The following GALNT13 variants were observed in gnomAD, a reference collection of about 807,000 sequenced individuals.
GALNT13 encodes UDP-GalNAc:polypeptide N-acetylgalactosaminyltransferase 13.
GALNT13 carries 28 observed loss-of-function variants against 64.2 expected under a neutral mutation model. That is an observed-to-expected ratio of 0.44 (90% CI 0.32 to 0.60). GALNT13 has a LOEUF of 0.60. Ranked by LOEUF, GALNT13 falls within the 20% of genes least tolerant of loss-of-function variation. The pLI, the probability that GALNT13 is intolerant of heterozygous loss-of-function variation, is 0.05. For synonymous variants in GALNT13, 214 were observed against 224.6 expected, an observed-to-expected ratio of 0.95 and a Z score of 0.42; for missense variants, 577 against 669.8, an observed-to-expected ratio of 0.86 and a Z score of 1.53.
At chr2:153,830,482 G>C in the GALNT13 span, among the ~76,000 whole-genome samples, 1 of 152,064 alleles carries the variant, frequency 6.6e-6, no homozygotes, top group East Asian at 1.9e-4. Context: ...CTGAGCATGG[G>C]AATGCCTTTA....
At chr2:153,264,802 G>C in the GALNT13 span, among the ~76,000 whole-genome samples, 30 of 152,162 alleles carry the variant, frequency 2.0e-4, no homozygotes, top group Non-Finnish European at 7.3e-5. Flanking sequence ...CCTGTTGTGG[G>C]GAGGCAGAGC....
chr2:154,026,401 G>T (rs1212753671), intron 3 of GALNT13, among the ~76,000 whole-genome samples: 1 of 152,156 alleles, frequency 6.6e-6, no homozygotes, highest in East Asian at 1.9e-4. Context: ...GGTGTGTTTG[G>T]CTTGTGTTCC....
chr2:153,098,393 A>G, the GALNT13 span, among the ~76,000 whole-genome samples: 17 of 152,324 alleles, frequency 1.1e-4, no homozygotes, highest in African/African-American at 4.1e-4. Flanking sequence ...GTTTGCTATC[A>G]CAACCTCTCT....
At chr2:153,905,450 T>C (rs1482156374) in intron 2 of GALNT13, among the ~76,000 whole-genome samples, 1 of 151,950 alleles carries the variant, frequency 6.6e-6, no homozygotes, top group African/African-American at 2.4e-5. Flanking sequence ...CAACAACTAA[T>C]AATAAAATAG....
At chr2:154,162,666 A>C (rs185667081) in intron 4 of GALNT13, among the ~76,000 whole-genome samples, 15 of 152,368 alleles carry the variant, frequency 9.8e-5, no homozygotes, top group Admixed American at 9.2e-4. Flanking sequence ...TATAAAGAAC[A>C]GTGTTAGATA....
chr2:154,242,331 C>A, intron 5 of GALNT13, 135 bp downstream of exon 5: 2 of 707,232 alleles, frequency 2.8e-6, no homozygotes, highest in South Asian at 4.0e-5. Flanking sequence ...TTTACTAGCC[C>A]TGCCACAGCC....
chr2:153,776,307 C>G, the GALNT13 span, among the ~76,000 whole-genome samples: 92 of 152,158 alleles, frequency 6.0e-4, no homozygotes, highest in Non-Finnish European at 1.2e-3. Flanking sequence ...TTATGTTTTA[C>G]CCATCACAGT....
the GALNT13 span, among the ~76,000 whole-genome samples, chr2:153,151,467 A>G: frequency 6.6e-6 from 1 of 152,064 alleles, no homozygotes; most frequent in Admixed American, 6.5e-5. Context: ...TGACCCAGCA[A>G]TCCCATTACT....
chr2:153,521,638 C>CTA, the GALNT13 span, among the ~76,000 whole-genome samples: 1 of 152,204 alleles, frequency 6.6e-6, no homozygotes, highest in South Asian at 2.1e-4. Context: ...GTACCCACTA[C>CTA]TATAGTATCA....
intron 9 of GALNT13, among the ~76,000 whole-genome samples, chr2:154,361,549 C>T (rs799816): frequency 0.99 from 150,773 of 152,080 alleles, 74,757 homozygotes; most frequent in Middle Eastern, 1. Context: ...TAATACAGTG[C>T]ATTCTCTAAT....
At chr2:153,990,830 T>A (rs1695111156) in intron 3 of GALNT13, among the ~76,000 whole-genome samples, 1 of 152,120 alleles carries the variant, frequency 6.6e-6, no homozygotes, top group Non-Finnish European at 1.5e-5. Context: ...TTTTAGAAAA[T>A]TGGTGTACAA....
At chr2:153,438,675 A>G in the GALNT13 span, among the ~76,000 whole-genome samples, 2 of 152,138 alleles carry the variant, frequency 1.3e-5, no homozygotes, top group African/African-American at 2.4e-5. Flanking sequence ...TTTCAGCTCC[A>G]TCAGGTCCTT....
intron 3 of GALNT13, among the ~76,000 whole-genome samples, chr2:154,106,181 T>A (rs1702606329): frequency 6.6e-6 from 1 of 152,206 alleles, no homozygotes; most frequent in Non-Finnish European, 1.5e-5. Context: ...CAGAAGTTTT[T>A]AATTGTGATA....
chr2:153,688,314 TGGGAG>T, the GALNT13 span, among the ~76,000 whole-genome samples: 2 of 151,966 alleles, frequency 1.3e-5, no homozygotes, highest in African/African-American at 4.8e-5. Context: ...AAACTTCTTT[TGGGAG>T]AAAACTTTCA....
chr2:154,256,966 G>A (rs1337231710), intron 7 of GALNT13, among the ~76,000 whole-genome samples: 2 of 152,058 alleles, frequency 1.3e-5, no homozygotes, highest in Non-Finnish European at 2.9e-5. Context: ...ATATTACAGG[G>A]CAGTTAACTT....
At chr2:153,234,452 C>CT in the GALNT13 span, among the ~76,000 whole-genome samples, 1 of 152,096 alleles carries the variant, frequency 6.6e-6, no homozygotes, top group Non-Finnish European at 1.5e-5. Context: ...CTGGTCCCAC[C>CT]TTTATGGGTG....
intron 10 of GALNT13, among the ~76,000 whole-genome samples, chr2:154,405,887 G>A (rs1307702506): frequency 6.6e-6 from 1 of 152,020 alleles, no homozygotes; most frequent in Admixed American, 6.6e-5. Context: ...TTGGCTTCGA[G>A]GGAAATAGAT....
chr2:154,272,720 T>G (rs1009934108), intron 8 of GALNT13, among the ~76,000 whole-genome samples: 2 of 152,138 alleles, frequency 1.3e-5, no homozygotes, highest in Non-Finnish European at 2.9e-5. Flanking sequence ...ATTAAGTCAA[T>G]TATCCTGCTG....
At chr2:154,290,669 T>C (rs1174247028) in intron 8 of GALNT13, among the ~76,000 whole-genome samples, 2 of 152,206 alleles carry the variant, frequency 1.3e-5, no homozygotes, top group African/African-American at 4.8e-5. Context: ...GGGCTCATGT[T>C]GTGTCCAGAA....
Sources: gnomAD v4.1 joint callset for allele counts (sites outside exome capture counted in the v4.1 genomes callset) on GRCh38, gnomAD v4.1.1 for gene constraint, MANE v1.5 for transcripts, NCBI Gene and HGNC (gene_info 2026-07-23, HGNC 2026-07-21) for gene names.